Variants in CYP4Z1 observed in about 807,000 individuals in gnomAD.
CYP4Z1 encodes the protein cytochrome P450 4Z1.
A neutral mutation model predicts 54.2 loss-of-function variants in CYP4Z1; 41 were observed. That is an observed-to-expected ratio of 0.76 (90% confidence interval 0.59 to 0.98). CYP4Z1 has a LOEUF of 0.98. Ranked by LOEUF, CYP4Z1 falls within the 50% of genes least tolerant of loss-of-function variation. The pLI is 0.00. For synonymous variants in CYP4Z1, 163 were observed against 206.2 expected (o/e 0.79, Z 1.79); for missense variants, 513 against 599.0 (o/e 0.86, Z 1.50).
the CYP4Z1 span, among the ~76,000 whole-genome samples, chr1:47,056,491 C>A: frequency 1.3e-5 from 2 of 152,088 alleles, no homozygotes; most frequent in Non-Finnish European, 2.9e-5. Context: ...CTTTCTGTCT[C>A]ATTGATCTGT....
chr1:47,063,998 C>T (rs1235441712), upstream of CYP4Z1, among the ~76,000 whole-genome samples: 1 of 151,138 alleles, frequency 6.6e-6, no homozygotes, highest in Non-Finnish European at 1.5e-5. Context: ...GCAAAAGTGT[C>T]AGGTAACCTG....
chr1:47,093,932 A>G (rs1644657790), intron 6 of CYP4Z1, among the ~76,000 whole-genome samples: 1 of 152,198 alleles, frequency 6.6e-6, no homozygotes, highest in African/African-American at 2.4e-5. Flanking sequence ...AGGGTTTTCC[A>G]GGCATAGAAC....
chr1:47,105,513 C>G lies in CYP4Z1; in HGVS notation c.1068-615C>G, dbSNP rs575203094. ...GATCACTGGAGGGCTCTCACTTATT[C>G]TTTTCCCAAATTAAAGAGCTTCTCC... On this transcript the variant is annotated intron_variant, in intron 8 of 11. Coordinates refer to ENST00000334194, the MANE Select transcript of CYP4Z1 (RefSeq NM_178134.3). Among the ~76,000 whole-genome samples, 156 of 152,280 alleles carry G rather than the reference C, an allele frequency of 1.0e-3. 1 individual carries two copies. The highest frequency in any genetic ancestry group is 1.9e-3 in the Non-Finnish European group (129 of 68,010).
At chr1:47,085,060 C>T in intron 6 of CYP4Z1, 82 bp downstream of exon 6, 1 of 604,036 alleles carries the variant, frequency 1.7e-6, no homozygotes, top group South Asian at 2.0e-5. Flanking sequence ...ATGGCTGCTT[C>T]TACTATGGAC....
intron 3 of CYP4Z1, 24 bp from the exon 4 acceptor site, chr1:47,082,310 C>A (rs769863706): frequency 6.3e-7 from 1 of 1,581,086 alleles, no homozygotes; most frequent in Non-Finnish European, 8.6e-7. Context: ...CTGATAGAAA[C>A]AGTTGCCCCT....
At chr1:47,110,830 T>C (rs1322332097) in intron 9 of CYP4Z1, among the ~76,000 whole-genome samples, 2 of 151,412 alleles carry the variant, frequency 1.3e-5, no homozygotes, top group African/African-American at 4.9e-5. Context: ...GAGAGTTAAA[T>C]AACATTGGGT....
In CYP4Z1 at chr1:47,116,579, T is replaced by C; in HGVS notation, c.1267-71T>C. The C allele has an allele frequency of 4.9e-6, 5 of 1,022,036 alleles. No individual in the cohort carries two copies. In the South Asian group the frequency reaches 6.8e-5, roughly 14 times the overall value. The allele number at this position is 1,022,036 out of a possible 1,614,324, so 63.3% of individuals were successfully genotyped here. ...TTAACAATATCTATGGATTTCGTTT[T>C]TGTTTTTGTTTTTGTTTTTTGTGGG... On this transcript the variant is annotated intron_variant, in intron 10 of 11. Coordinates refer to ENST00000334194, the MANE Select transcript of CYP4Z1 (RefSeq NM_178134.3).
chr1:47,055,779 T>C, the CYP4Z1 span, among the ~76,000 whole-genome samples: 1 of 152,218 alleles, frequency 6.6e-6, no homozygotes, highest in Non-Finnish European at 1.5e-5. Flanking sequence ...CCTTTATCAT[T>C]TTTTATTGCG....
chr1:47,057,349 T>A, the CYP4Z1 span, among the ~76,000 whole-genome samples: 11,391 of 54,138 alleles, frequency 0.21, 1,962 homozygotes, highest in East Asian at 0.55. Context: ...TATATATATA[T>A]ATATATATAT....
chr1:47,058,801 G>A, the CYP4Z1 span, among the ~76,000 whole-genome samples: 2 of 152,000 alleles, frequency 1.3e-5, no homozygotes, highest in South Asian at 4.2e-4. Flanking sequence ...CCTTTCTATA[G>A]TAATAGACTA....
At chr1:47,112,130 T>C (rs964945422) in intron 9 of CYP4Z1, among the ~76,000 whole-genome samples, 1 of 151,626 alleles carries the variant, frequency 6.6e-6, no homozygotes, top group African/African-American at 2.4e-5. Flanking sequence ...CAAAAGGTAA[T>C]GGTATGGAAA....
chr1:47,077,103 A>G (rs1022611988), intron 2 of CYP4Z1, among the ~76,000 whole-genome samples: 3 of 151,690 alleles, frequency 2.0e-5, no homozygotes, highest in Non-Finnish European at 4.4e-5. Context: ...TGGCATAATT[A>G]TAGTGTTGTT....
At chr1:47,104,737 T>C (rs558414862) in intron 8 of CYP4Z1, among the ~76,000 whole-genome samples, 2 of 152,012 alleles carry the variant, frequency 1.3e-5, no homozygotes, top group African/African-American at 2.4e-5. Flanking sequence ...CATGCTCAGG[T>C]ACTGGGAGGA....
chr1:47,103,787 G>C (rs1196599208), intron 8 of CYP4Z1, among the ~76,000 whole-genome samples: 1 of 151,424 alleles, frequency 6.6e-6, no homozygotes, highest in African/African-American at 2.4e-5. Context: ...GTAGAGATAG[G>C]GTTTCACCAT....
the CYP4Z1 span, among the ~76,000 whole-genome samples, chr1:47,057,164 C>A: frequency 2.0e-5 from 3 of 150,750 alleles, no homozygotes; most frequent in African/African-American, 7.3e-5. Flanking sequence ...TATTTTATTT[C>A]TCCTTCTCTT....
chr1:47,088,902 G>T (rs1006401549), intron 6 of CYP4Z1, among the ~76,000 whole-genome samples: 1 of 146,282 alleles, frequency 6.8e-6, no homozygotes, highest in African/African-American at 2.7e-5. Context: ...GATTACAGGC[G>T]TGAGCCACTG....
At position 47,102,990 on chromosome 1, in the gene CYP4Z1, A is replaced by G. The variant is rs554762044; in HGVS notation, c.1068-3138A>G. Among the ~76,000 whole-genome samples, 6 of 152,230 alleles carry G rather than the reference A, an allele frequency of 3.9e-5. No homozygotes were observed. The South Asian group carries it at 1.2e-3, about 32-fold the overall frequency. The stretch of plus-strand genomic sequence containing the variant: ...ATATTTGATCATTTGATGGTGTCTT[A>G]TATGTCACATAGGCTCTGCTCATTC... On this transcript the variant is annotated intron_variant, in intron 8 of 11. Coordinates refer to ENST00000334194, the MANE Select transcript of CYP4Z1 (RefSeq NM_178134.3).
chr1:47,088,594 A>G (rs1315427873), intron 6 of CYP4Z1, among the ~76,000 whole-genome samples: 1 of 143,174 alleles, frequency 7.0e-6, no homozygotes, highest in African/African-American at 2.6e-5. Context: ...TGTCTATTTG[A>G]TTCTCCAATT....
the CYP4Z1 span, among the ~76,000 whole-genome samples, chr1:47,056,135 G>T: frequency 6.6e-6 from 1 of 151,922 alleles, no homozygotes; most frequent in Non-Finnish European, 1.5e-5. Flanking sequence ...GTTCTCGTTG[G>T]TTTCAAAAAA....
Sources: gnomAD v4.1 joint callset for allele counts (sites outside exome capture counted in the v4.1 genomes callset) on GRCh38, gnomAD v4.1.1 for gene constraint, MANE v1.5 for transcripts, NCBI Gene and HGNC (gene_info 2026-07-23, HGNC 2026-07-21) for gene names.